The following NPC1L1 variants were observed in gnomAD, a reference collection of about 807,000 sequenced individuals.
NPC1L1 encodes NPC1-like intracellular cholesterol transporter 1.
A neutral mutation model predicts 117.0 loss-of-function variants in NPC1L1; 98 were observed. The ratio of observed to expected loss-of-function variants is 0.84; its 90% confidence interval spans 0.71 to 0.99. NPC1L1 has a LOEUF of 0.99. Among genes scored for constraint, NPC1L1 ranks in the 50% least tolerant of loss-of-function variants. NPC1L1 has a pLI of 0.00. For synonymous variants in NPC1L1, 729 were observed against 727.6 expected (o/e 1.00, Z -0.03); for missense variants, 1,540 against 1,710.0 (o/e 0.90, Z 1.75).
chr7:44,520,188 G>C (rs1343629616), intron 14 of NPC1L1, among the ~76,000 whole-genome samples: 1 of 152,050 alleles, frequency 6.6e-6, no homozygotes, highest in Non-Finnish European at 1.5e-5. Flanking sequence ...GCTGAGGCAG[G>C]AGAATCGCTT....
At chr7:44,522,364 T>C (rs770017451) in intron 10 of NPC1L1, 122 bp from the exon 11 acceptor site, 16 of 932,838 alleles carry the variant, frequency 1.7e-5, no homozygotes, top group Non-Finnish European at 2.3e-5. Context: ...TGTTCAGAGG[T>C]CCATGATCAG....
intron 18 of NPC1L1, among the ~76,000 whole-genome samples, chr7:44,513,878 C>A (rs1801112077): frequency 6.6e-6 from 1 of 152,202 alleles, no homozygotes; most frequent in African/African-American, 2.4e-5. Flanking sequence ...CCTGCAGCTC[C>A]AAGGCCCTGG....
chr7:44,518,064 G>A (rs1237662938), intron 14 of NPC1L1, among the ~76,000 whole-genome samples: 1 of 151,218 alleles, frequency 6.6e-6, no homozygotes, highest in Non-Finnish European at 1.5e-5. Context: ...GCAGTGAGCT[G>A]AGATCATGCT....
In NPC1L1 at chr7:44,513,602, C is replaced by T. The variant is rs1487287225; in HGVS notation, c.3844G>A (p.Glu1282Lys). The change falls in exon 19 of 19, where the codon GAG (glutamate) becomes AAG (lysine). Residue 1282 changes from glutamate to lysine, a missense_variant. Physicochemically the swap from Glu to Lys is moderately conservative, Grantham distance 56 (BLOSUM62 1). This residue lies in a region of NPC1L1 where 742 missense variants were observed against 873.6 expected (regional missense o/e 0.85). Transcript: ENST00000381160. Reference protein sequence around the residue: ...ALALEQKRAEEAVAAVMVASC... With the variant: ...ALALEQKRAEKAVAAVMVASC... ...GCCACCATGACTGCTGCCACCGCCT[C>T]CTCAGCCCGCTTCTGCTCCAGTGCC... 2 of 1,613,690 alleles carry T rather than the reference C, an allele frequency of 1.2e-6. No homozygotes were observed. The highest frequency in any genetic ancestry group is 1.7e-5 in the Admixed American group (1 of 60,010).
Position 44,533,518 on chromosome 7 carries a change from C to CA in NPC1L1, c.2321dup (p.Thr775AspfsTer9), listed in dbSNP as rs1563208573. 3.1e-6 allele frequency: 5 copies of CA among 1,614,192 alleles called. No homozygotes were observed. Among genetic ancestry groups the CA allele is most frequent in the Non-Finnish European group, 3.4e-6 (4 of 1,180,030 alleles). On this transcript the variant is annotated frameshift_variant, in exon 8 of 19. Transcript: ENST00000381160. LOFTEE classifies it high-confidence loss of function. ...CAAGGATCACTGCAAGGCCAGAGGT[C>CA]AGGGCAAAGGTCCGCACAGCTGGCA...
chr7:44,537,004 C>T, intron 2 of NPC1L1, 62 bp from the exon 3 acceptor site: 3 of 1,314,450 alleles, frequency 2.3e-6, no homozygotes, highest in South Asian at 2.7e-5. Flanking sequence ...CCCTATGGCC[C>T]CTCCCTTCCC....
intron 10 of NPC1L1, among the ~76,000 whole-genome samples, chr7:44,529,303 G>A (rs1801624141): frequency 1.3e-5 from 2 of 150,352 alleles, no homozygotes; most frequent in South Asian, 4.2e-4. Flanking sequence ...GAAAGTGGAA[G>A]AACAGAAAAA....
In NPC1L1 at chr7:44,517,269, G is replaced by A. The variant is rs375132224; in HGVS notation, c.3225C>T (p.Asn1075=). 6.2e-7 allele frequency: 1 copy of A among 1,614,156 alleles called. No individual in the cohort carries two copies. Among genetic ancestry groups the A allele is most frequent in the Non-Finnish European group, 8.5e-7 (1 of 1,180,016 alleles). ...GCACTTTCCGCAGGTCAGCAGTGAT[G>A]TTGGCTGCCAGCTCTCGAGCTGCCC... ...ALRAARELAA[N]ITADLRKVPG... Residue 1075 remains asparagine (N), a synonymous_variant, in exon 15 of 19, where the codon AAC becomes AAT. Transcript: ENST00000381160.
chr7:44,527,561 T>C (rs1801561106), intron 10 of NPC1L1, among the ~76,000 whole-genome samples: 1 of 145,260 alleles, frequency 6.9e-6, no homozygotes, highest in Non-Finnish European at 1.5e-5. Context: ...ACACCTGTAA[T>C]CCCAGTACTT....
rs200167410 is a variant in NPC1L1 at position 44,539,380 on chromosome 7, C to G, written c.1017G>C (p.Gln339His). 3 of 1,613,722 alleles carry G rather than the reference C, an allele frequency of 1.9e-6. No homozygotes were observed. The highest frequency in any genetic ancestry group is 1.3e-5 in the African/African-American group (1 of 75,032). The change falls in exon 2 of 19, where the codon CAG becomes CAC. Residue 339 changes from glutamine to histidine, a missense_variant. By Grantham distance (24) the Gln-to-His change is conservative. Transcript: ENST00000381160. This position sits in a 1 kb window ranked among gnomAD's most constrained non-coding sequence, Gnocchi z 4.4. ...CCCACGTGCCCCAGCCCTGGAAGAACTGGCCAAGGAGGGTGTGGGTGGAGA... is the reference window on the plus strand; with the variant it reads ...CCCACGTGCCCCAGCCCTGGAAGAAGTGGCCAAGGAGGGTGTGGGTGGAGA... ...LSFSTHTLLG[Q>H]FFQGWGTWVA...
intron 10 of NPC1L1, among the ~76,000 whole-genome samples, chr7:44,524,580 C>A (rs1349672961): frequency 2.6e-5 from 4 of 151,952 alleles, no homozygotes; most frequent in African/African-American, 9.7e-5. Flanking sequence ...TATGGTGAAA[C>A]CCTGTCTCTA....
In NPC1L1 at chr7:44,518,460, G is replaced by A. The variant is rs1054486870; in HGVS notation, c.3137-1103C>T. ...GCTGGGATTACAGGTGTGAGCCACCGCACCTGGCCCAAAAAGGTTGTTTCT... is the reference window on the plus strand; with the variant it reads ...GCTGGGATTACAGGTGTGAGCCACCACACCTGGCCCAAAAAGGTTGTTTCT... On this transcript the variant is annotated intron_variant, in intron 14 of 18. Transcript: ENST00000381160. The A allele has an allele frequency of 1.1e-4, 25 of 226,828 alleles. No individual in the cohort carries two copies. In the East Asian group the frequency reaches 1.4e-3, roughly 12 times the overall value. 14.1% of individuals were successfully genotyped at this position (226,828 alleles called of 1,614,324 possible).
chr7:44,520,699 G>T, intron 14 of NPC1L1, 66 bp downstream of exon 14: 2 of 1,345,640 alleles, frequency 1.5e-6, no homozygotes, highest in Non-Finnish European at 1.1e-6. Context: ...GCTGTTCCCT[G>T]GGGTTTTCGG....
intron 10 of NPC1L1, among the ~76,000 whole-genome samples, chr7:44,524,221 G>A (rs1563204364): frequency 6.6e-6 from 1 of 152,166 alleles, no homozygotes; most frequent in Non-Finnish European, 1.5e-5. Context: ...TTAACTCTGT[G>A]CCTTTGGCTG....
intron 10 of NPC1L1, among the ~76,000 whole-genome samples, chr7:44,527,182 G>A (rs1353726299): frequency 6.6e-6 from 1 of 152,104 alleles, no homozygotes; most frequent in African/African-American, 2.4e-5. Context: ...AGACAGGCCA[G>A]GCATGGTGGC....
intron 5 of NPC1L1, among the ~76,000 whole-genome samples, chr7:44,535,419 C>T (rs1801849173): frequency 6.6e-6 from 1 of 150,974 alleles, no homozygotes; most frequent in South Asian, 2.1e-4. Flanking sequence ...GTCCCAACTA[C>T]TTGGGAGGCT....
At chr7:44,526,017 T>C (rs1340699255) in intron 10 of NPC1L1, among the ~76,000 whole-genome samples, 1 of 146,528 alleles carries the variant, frequency 6.8e-6, no homozygotes, top group Admixed American at 6.8e-5. Flanking sequence ...AATACAAAAA[T>C]TAGCCAGGCA....
Position 44,534,658 on chromosome 7 carries a change from G to A in NPC1L1, c.1984-29C>T. ...CAATGCAAACAGGCTCAGCCCCCTAGCCACTTAGCACCTACCCAGTATGCC... is the reference window on the plus strand; with the variant it reads ...CAATGCAAACAGGCTCAGCCCCCTAACCACTTAGCACCTACCCAGTATGCC... On this transcript the variant is annotated intron_variant, in intron 5 of 18. Transcript: ENST00000381160. This position sits in a 1 kb window ranked among gnomAD's most constrained non-coding sequence, Gnocchi z 5.2. 6.2e-7 allele frequency: 1 copy of A among 1,612,150 alleles called. No individual in the cohort carries two copies. The highest frequency in any genetic ancestry group is 8.5e-7 in the Non-Finnish European group (1 of 1,179,404).
Position 44,517,191 on chromosome 7 carries a change from C to A in NPC1L1, c.3287+16G>T, listed in dbSNP as rs1801216891. On this transcript the variant is annotated intron_variant, in intron 15 of 18. Transcript: ENST00000381160. ...CATACCCCACCTCCCTCCAGCCCAG[C>A]CACTCAGGTCCTCACGTGTAGGGGA... The A allele has an allele frequency of 6.2e-7, 1 of 1,614,096 alleles. No homozygotes were observed. Among genetic ancestry groups the A allele is most frequent in the Non-Finnish European group, 8.5e-7 (1 of 1,179,976 alleles).
Sources: allele counts gnomAD v4.1 joint callset (sites outside exome capture counted in the v4.1 genomes callset), GRCh38; gene constraint gnomAD v4.1.1; regional missense constraint gnomAD v4.1.1; non-coding constraint Gnocchi (gnomAD v3.1); transcripts MANE v1.5; gene names NCBI Gene and HGNC (gene_info 2026-07-23, HGNC 2026-07-21).